The following COL25A1 variants were observed in gnomAD, a reference collection of about 807,000 sequenced individuals.
The protein encoded by COL25A1 is collagen type XXV alpha 1 chain, also known as collagen alpha-1(XXV) chain.
Under a neutral mutation model 128.4 loss-of-function variants are expected in COL25A1, and 103 were observed. That is an observed-to-expected ratio of 0.80 (90% CI 0.68 to 0.94). The LOEUF (loss-of-function observed/expected upper bound fraction) is 0.94. COL25A1 is among the 40% of genes least tolerant of loss of function. COL25A1 has a pLI of 0.00. For synonymous variants in COL25A1, 279 were observed against 277.2 expected (o/e 1.01, Z -0.06); for missense variants, 745 against 840.0 (o/e 0.89, Z 1.40).
chr4:108,973,305 G>A (rs1195233079), intron 8 of COL25A1, among the ~76,000 whole-genome samples: 2 of 152,150 alleles, frequency 1.3e-5, no homozygotes, highest in East Asian at 1.9e-4. Context: ...TAACTGCCAC[G>A]AGAAACAAAA....
chr4:108,964,848 C>T (rs1049358766), intron 8 of COL25A1, among the ~76,000 whole-genome samples: 4 of 152,108 alleles, frequency 2.6e-5, no homozygotes, highest in Non-Finnish European at 4.4e-5. Flanking sequence ...AATGAGCTTA[C>T]TGTTTCCATG....
At chr4:109,210,908 G>A (rs1025734561) in intron 3 of COL25A1, among the ~76,000 whole-genome samples, 1 of 151,998 alleles carries the variant, frequency 6.6e-6, no homozygotes, top group African/African-American at 2.4e-5. Context: ...TCCTAAGCGA[G>A]TTAACACAGG....
chr4:108,863,440 C>T (rs1737512079), intron 20 of COL25A1, 53 bp from the exon 21 acceptor site: 2 of 1,470,150 alleles, frequency 1.4e-6, no homozygotes, highest in Non-Finnish European at 1.9e-6. Context: ...CCAGGCTGGT[C>T]CCTGTAGATT....
intron 3 of COL25A1, among the ~76,000 whole-genome samples, chr4:109,230,849 A>C (rs1779115593): frequency 6.6e-6 from 1 of 152,232 alleles, no homozygotes; most frequent in Non-Finnish European, 1.5e-5. Context: ...GAGGTAAAAA[A>C]TAAATTTAAG....
chr4:109,257,600 CT>C (rs1781164597), intron 3 of COL25A1, among the ~76,000 whole-genome samples: 1 of 152,218 alleles, frequency 6.6e-6, no homozygotes, highest in Non-Finnish European at 1.5e-5. Context: ...CTCATAGCAA[CT>C]CTATTAGTTA....
chr4:108,967,811 C>T (rs376695816), intron 8 of COL25A1, among the ~76,000 whole-genome samples: 279 of 152,186 alleles, frequency 1.8e-3, no homozygotes, highest in African/African-American at 6.5e-3. Flanking sequence ...CTTATTCAAC[C>T]TAGGAATCCC....
At position 109,023,448 on chromosome 4, in the gene COL25A1, G is replaced by C. The variant is rs79953431; in HGVS notation, c.421-13073C>G. ...CAAAGATTCTGCTGTTGATTAAATAGTAACAAGATACCAGTGCTTAGGAAA... is the reference window on the plus strand; with the variant it reads ...CAAAGATTCTGCTGTTGATTAAATACTAACAAGATACCAGTGCTTAGGAAA... On this transcript the variant is annotated intron_variant, in intron 5 of 37. Transcript: ENST00000399132. Among the ~76,000 whole-genome samples the C allele has an allele frequency of 7.8e-4, 119 of 152,314 alleles. 3 individuals are homozygous for C. In the East Asian group the frequency reaches 0.021, roughly 27 times the overall value.
chr4:108,919,916 C>A (rs1218945062), intron 12 of COL25A1, among the ~76,000 whole-genome samples: 1 of 152,058 alleles, frequency 6.6e-6, no homozygotes, highest in Non-Finnish European at 1.5e-5. Flanking sequence ...GCGTGTGCCA[C>A]CACACCCAGC....
At chr4:108,888,320 CT>C (rs1741065725) in intron 18 of COL25A1, among the ~76,000 whole-genome samples, 1 of 152,130 alleles carries the variant, frequency 6.6e-6, no homozygotes, top group South Asian at 2.1e-4. Flanking sequence ...TCTCTCTTCC[CT>C]TTTCTGCTAA....
intron 13 of COL25A1, among the ~76,000 whole-genome samples, chr4:108,905,151 G>A (rs1743326448): frequency 6.6e-6 from 1 of 152,130 alleles, no homozygotes. Context: ...AGAATGGAAT[G>A]GACCTATACG....
At chr4:109,106,409 C>T (rs2126030683) in intron 3 of COL25A1, among the ~76,000 whole-genome samples, 1 of 152,092 alleles carries the variant, frequency 6.6e-6, no homozygotes, top group East Asian at 1.9e-4. Context: ...TAAAGTTTGC[C>T]CCTCTCTCCC....
chr4:109,216,271 AAGG>A lies in COL25A1; in HGVS notation c.367+84309_367+84311del, dbSNP rs1376680976. Among the ~76,000 whole-genome samples, 18 of 47,164 alleles carry A rather than the reference AAGG, an allele frequency of 3.8e-4. No individual in the cohort carries two copies. The African/African-American group carries it at 5.0e-3, about 13-fold the overall frequency. The allele number at this position is 47,164 out of a possible 152,430, so 30.9% of individuals were successfully genotyped here. The stretch of plus-strand genomic sequence containing the variant: ...TGGATAGGAAGGAAGGAAGGAAAAA[AAGG>A]AAGGAAGGAAGGAAGGAAGGAAGGA... On this transcript the variant is annotated intron_variant, in intron 3 of 37. Coordinates refer to ENST00000399132, the MANE Select transcript of COL25A1 (RefSeq NM_198721.4).
chr4:108,822,043 A>ATTTTTT lies in COL25A1; in HGVS notation c.1845+2125_1845+2130dup, dbSNP rs10567518. Reference sequence around the variant, plus strand: ...AAACGTGAGTATCCTCCTAATGGTAATTTTTTTTTTTTTTTTTGGGACAGG... The same window carrying ATTTTTT: ...AAACGTGAGTATCCTCCTAATGGTAATTTTTTTTTTTTTTTTTTTTTTTGGGACAGG... On this transcript the variant is annotated intron_variant, in intron 35 of 37. Transcript: ENST00000399132. Among the ~76,000 whole-genome samples, 18 of 89,994 alleles carry ATTTTTT rather than the reference A, an allele frequency of 2.0e-4. 1 individual carries two copies. The highest frequency in any genetic ancestry group is 4.3e-4 in the Admixed American group (3 of 6,900). 59.0% of individuals were successfully genotyped at this position (89,994 alleles called of 152,430 possible). A position where few individuals can be genotyped will look rare whatever the true frequency, so the allele number is the denominator to read the frequency against.
At chr4:109,185,808 C>T (rs1775079469) in intron 3 of COL25A1, among the ~76,000 whole-genome samples, 2 of 152,238 alleles carry the variant, frequency 1.3e-5, no homozygotes, top group Non-Finnish European at 2.9e-5. Context: ...GCCTTTCTTC[C>T]TCTCTCTCCC....
chr4:109,178,155 A>G (rs1774268435), intron 3 of COL25A1, among the ~76,000 whole-genome samples: 1 of 152,206 alleles, frequency 6.6e-6, no homozygotes, highest in South Asian at 2.1e-4. Flanking sequence ...CCCCTCCTAT[A>G]TACATCCTTA....
chr4:109,192,268 A>C (rs934302334), intron 3 of COL25A1, among the ~76,000 whole-genome samples: 6 of 152,172 alleles, frequency 3.9e-5, no homozygotes, highest in African/African-American at 1.4e-4. Context: ...TCGGCATTAA[A>C]GAGATTAATC....
At chr4:108,922,524 A>G (rs1327777108) in intron 11 of COL25A1, among the ~76,000 whole-genome samples, 2 of 152,202 alleles carry the variant, frequency 1.3e-5, no homozygotes, top group Admixed American at 6.5e-5. Context: ...CCCGGAAGGG[A>G]ATATTTCAAA....
intron 11 of COL25A1, among the ~76,000 whole-genome samples, chr4:108,929,660 T>A (rs1263114405): frequency 6.6e-6 from 1 of 151,904 alleles, no homozygotes; most frequent in Non-Finnish European, 1.5e-5. Flanking sequence ...TCCATCTCCA[T>A]AAAACATAAA....
rs2125895857 is a variant in COL25A1 at position 108,918,195 on chromosome 4, T to C, written c.757A>G (p.Ile253Val). ...ACCTTTTGCCCATTCATCCCTGGAATTCCAGGTGCTCCAATAGAACCCTAA... is the reference window on the plus strand; with the variant it reads ...ACCTTTTGCCCATTCATCCCTGGAACTCCAGGTGCTCCAATAGAACCCTAA... The part of the protein sequence containing the change: ...GQKGSIGAPG[I>V]PGMNGQKGEP... The change falls in exon 13 of 38, where the codon ATT becomes GTT. Residue 253 changes from isoleucine to valine, a missense_variant. Coordinates refer to ENST00000399132, the MANE Select transcript of COL25A1 (RefSeq NM_198721.4). 1 of 1,600,080 alleles carries C rather than the reference T, an allele frequency of 6.2e-7. No homozygotes were observed. The highest frequency in any genetic ancestry group is 2.2e-5 in the East Asian group (1 of 44,512).
Sources: allele counts gnomAD v4.1 joint callset (sites outside exome capture counted in the v4.1 genomes callset), GRCh38; gene constraint gnomAD v4.1.1; transcripts MANE v1.5; gene names NCBI Gene and HGNC (gene_info 2026-07-23, HGNC 2026-07-21).